Variants in C6orf132 observed in about 807,000 individuals in gnomAD.
The protein encoded by C6orf132 is uncharacterized protein C6orf132.
C6orf132 carries 43 observed loss-of-function variants against 65.3 expected under a neutral mutation model. The ratio of observed to expected loss-of-function variants is 0.66; its 90% CI spans 0.52 to 0.85. The LOEUF is 0.85. C6orf132 is among the 40% of genes least tolerant of loss of function. C6orf132 has a pLI of 0.00. For missense variants in C6orf132, 1,488 were observed against 1,548.8 expected (o/e 0.96, Z 0.66); for synonymous variants, 631 against 654.1 (o/e 0.96, Z 0.54).
In C6orf132 at chr6:42,106,271, GGTCAGGCTGGGGGCAGCCTCTGTCTCT is replaced by G. The variant is rs1490723054; in HGVS notation, c.1614_1640del (p.Glu539_Thr547del). The G allele has an allele frequency of 6.5e-7, 1 of 1,537,024 alleles. No individual in the cohort carries two copies. The highest frequency in any genetic ancestry group is 8.7e-7 in the Non-Finnish European group (1 of 1,146,908). ...GGGGAATGTAGTCCACAGAGGGCAG[GGTCAGGCTGGGGGCAGCCTCTGTCTCT>G]GTCAGGCTGCTGCCGCCAAGACTCT... On this transcript the variant is annotated inframe_deletion, in exon 4 of 5. Transcript: ENST00000341865.
At position 42,107,462 on chromosome 6, in the gene C6orf132, G is replaced by T. The variant is rs958047726; in HGVS notation, c.450C>A (p.Pro150=). The change falls in exon 4 of 5, where the codon CCC becomes CCA. Residue 150 remains proline, a synonymous_variant. Coordinates refer to ENST00000341865, the MANE Select transcript of C6orf132 (RefSeq NM_001164446.3). ...CTGGAGGTTCTGAAATGTCCTGAGG[G>T]GGCCCTGGGGCTGGGCCTGGGGGAG... is the stretch of plus-strand genomic sequence containing the variant. ...PPPPPGPAPG[P]PQDISEPPGG... is the part of the protein sequence containing the mutation. 1.9e-6 allele frequency: 3 copies of T among 1,544,346 alleles called. No individual in the cohort carries two copies. In the Admixed American group the frequency reaches 5.9e-5, roughly 30 times the overall value.
Position 42,105,576 on chromosome 6 carries a change from C to G in C6orf132, c.2336G>C (p.Ser779Thr). 1.3e-6 allele frequency: 2 copies of G among 1,536,758 alleles called. No individual in the cohort carries two copies. The highest frequency in any genetic ancestry group is 1.2e-5 in the South Asian group (1 of 84,068). ...YKPHCHQSSLSREVAVVMPTL... is the reference protein window; with the variant it reads ...YKPHCHQSSLTREVAVVMPTL... ...GGGCATCACCACAGCAACCTCACGG[C>G]TGAGGCTGCTCTGGTGGCAGTGGGG... The change falls in exon 4 of 5, where the codon AGC becomes ACC. Residue 779 changes from serine to threonine, a missense_variant. Transcript: ENST00000341865.
At position 42,103,059 on chromosome 6, in the gene C6orf132, G is replaced by C. The variant is rs1766320116; in HGVS notation, c.*702C>G. 5.0e-6 allele frequency: 2 copies of C among 398,596 alleles called. No homozygotes were observed. Among genetic ancestry groups the C allele is most frequent in the South Asian group, 1.3e-4 (1 of 7,856 alleles). 24.7% of individuals were successfully genotyped at this position (398,596 alleles called of 1,614,324 possible). A position where few individuals can be genotyped will look rare whatever the true frequency, so the allele number is the denominator to read the frequency against. ...TCTCTAGGCCTCCCTGTAGCTAAGG[G>C]CTAGGGCCAAGGAAAAATGAACCAT... On this transcript the variant is annotated 3_prime_UTR_variant, in exon 5 of 5. Coordinates refer to ENST00000341865, the MANE Select transcript of C6orf132 (RefSeq NM_001164446.3).
chr6:42,117,564 CG>C (rs765795411), intron 2 of C6orf132, among the ~76,000 whole-genome samples: 14 of 151,974 alleles, frequency 9.2e-5, no homozygotes, highest in Non-Finnish European at 1.5e-4. Context: ...TGACACAGAC[CG>C]GGCAGTTAAA....
At position 42,105,899 on chromosome 6, in the gene C6orf132, T is replaced by G; in HGVS notation, c.2013A>C (p.Thr671=). The change falls in exon 4 of 5, where the codon ACA becomes ACC. Residue 671 remains threonine, a synonymous_variant. Transcript: ENST00000341865. Reference sequence around the variant, plus strand: ...TTGGCCCAGATGTGGCCTTGAGTGGTGTGGCTGGCCCAAGTGTGGCCTTGG... The same window carrying G: ...TTGGCCCAGATGTGGCCTTGAGTGGGGTGGCTGGCCCAAGTGTGGCCTTGG... The part of the protein sequence containing the change: ...TPPKATLGPA[T]PLKATSGPTT... 1 of 1,537,020 alleles carries G rather than the reference T, an allele frequency of 6.5e-7. No individual in the cohort carries two copies. Among genetic ancestry groups the G allele is most frequent in the Non-Finnish European group, 8.7e-7 (1 of 1,146,832 alleles).
chr6:42,141,105 T>A (rs1767023452), intron 1 of C6orf132, among the ~76,000 whole-genome samples: 1 of 152,154 alleles, frequency 6.6e-6, no homozygotes, highest in African/African-American at 2.4e-5. Flanking sequence ...AAATGGCATA[T>A]GGTTAGTTCT....
chr6:42,120,584 T>TA (rs34694221), intron 2 of C6orf132, among the ~76,000 whole-genome samples: 9 of 149,668 alleles, frequency 6.0e-5, no homozygotes, highest in East Asian at 2.0e-4. Flanking sequence ...CCTTTATAAT[T>TA]AAAAAAAAAA....
chr6:42,111,851 C>T (rs1562035204), intron 2 of C6orf132, among the ~76,000 whole-genome samples: 4 of 152,038 alleles, frequency 2.6e-5, no homozygotes, highest in Admixed American at 2.6e-4. Context: ...TCCAAACACA[C>T]ATTTCCATAT....
intron 1 of C6orf132, among the ~76,000 whole-genome samples, chr6:42,136,888 C>A (rs894924518): frequency 6.6e-6 from 1 of 152,034 alleles, no homozygotes; most frequent in African/African-American, 2.4e-5. Context: ...ATGGCGCCGC[C>A]CCCCCAGCCC....
rs1766357180 is a variant in C6orf132, at chr6:42,104,632, G to A, written c.3280C>T (p.Pro1094Ser). The part of the protein sequence containing the change: ...RSLSSPNCFG[P>S]QPGGPEMRRV... ...CGCATCTCGGGGCCTCCGGGCTGCGGCCCGAAGCAGTTGGGAGAGCTCAGG... is the reference window on the plus strand; with the variant it reads ...CGCATCTCGGGGCCTCCGGGCTGCGACCCGAAGCAGTTGGGAGAGCTCAGG... The change falls in exon 4 of 5, where the codon CCG (proline) becomes TCG (serine). Residue 1094 changes from proline (P) to serine (S), a missense_variant. By Grantham distance (74) the Pro-to-Ser change is moderately conservative. Coordinates refer to ENST00000341865, the MANE Select transcript of C6orf132 (RefSeq NM_001164446.3). This position sits in a 1 kb window ranked among gnomAD's most constrained non-coding sequence, Gnocchi z 4.1. The A allele has an allele frequency of 1.6e-5, 23 of 1,416,746 alleles. No individual in the cohort carries two copies. The highest frequency in any genetic ancestry group is 2.1e-5 in the Non-Finnish European group (23 of 1,092,774). The allele number at this position is 1,416,746 out of a possible 1,614,324, so 87.8% of individuals were successfully genotyped here.
chr6:42,141,823 G>A (rs1363428929), intron 1 of C6orf132, among the ~76,000 whole-genome samples: 1 of 152,162 alleles, frequency 6.6e-6, no homozygotes, highest in African/African-American at 2.4e-5. Context: ...TCTCTGCCAC[G>A]TGGGCTTGGG....
At chr6:42,137,673 A>C (rs1562043283) in intron 1 of C6orf132, among the ~76,000 whole-genome samples, 1 of 152,132 alleles carries the variant, frequency 6.6e-6, no homozygotes, top group African/African-American at 2.4e-5. Flanking sequence ...GCCTTGCTCC[A>C]TGTGGGGAAG....
intron 2 of C6orf132, among the ~76,000 whole-genome samples, chr6:42,116,325 T>C (rs1766570493): frequency 6.6e-6 from 1 of 152,188 alleles, no homozygotes; most frequent in South Asian, 2.1e-4. Context: ...GATGAGGAAA[T>C]GGAGGCTCAG....
Position 42,104,659 on chromosome 6 carries a change from T to G in C6orf132, c.3253A>C (p.Ser1085Arg). The change falls in exon 4 of 5, where the codon AGC becomes CGC. Residue 1085 changes from serine to arginine, a missense_variant. Transcript: ENST00000341865. This position sits in a 1 kb window ranked among gnomAD's most constrained non-coding sequence, Gnocchi z 4.1. ...CCGAAGCAGTTGGGAGAGCTCAGGC[T>G]GCGGCCGGTGCCACCGTGGGGTAGC... is the stretch of plus-strand genomic sequence containing the variant. Reference protein sequence around the residue: ...PGLPHGGTGRSLSSPNCFGPQ... With the variant: ...PGLPHGGTGRRLSSPNCFGPQ... 1.3e-6 allele frequency: 2 copies of G among 1,494,050 alleles called. No homozygotes were observed. The highest frequency in any genetic ancestry group is 1.8e-6 in the Non-Finnish European group (2 of 1,130,538). 92.5% of individuals were successfully genotyped at this position (1,494,050 alleles called of 1,614,324 possible).
chr6:42,136,161 CA>C (rs5875794), intron 1 of C6orf132, among the ~76,000 whole-genome samples: 74,336 of 142,360 alleles, frequency 0.52, 19,335 homozygotes, highest in East Asian at 0.67. Flanking sequence ...GTAAGCCATC[CA>C]AAAAAAAAAA....
intron 2 of C6orf132, among the ~76,000 whole-genome samples, chr6:42,123,688 C>T (rs1009576893): frequency 2.6e-5 from 4 of 152,140 alleles, no homozygotes; most frequent in Non-Finnish European, 4.4e-5. Context: ...AGGATCACCC[C>T]TCACTCAGCC....
intron 1 of C6orf132, among the ~76,000 whole-genome samples, chr6:42,137,871 T>C (rs1766970397): frequency 1.3e-5 from 2 of 150,842 alleles, no homozygotes; most frequent in Admixed American, 6.6e-5. Flanking sequence ...GGTCAGGAGA[T>C]CGAGACCATC....
chr6:42,106,492 G>T lies in C6orf132; in HGVS notation c.1420C>A (p.Leu474Met). Residue 474 changes from leucine (L) to methionine (M), a missense_variant, in exon 4 of 5, where the codon CTG becomes ATG. Coordinates refer to ENST00000341865, the MANE Select transcript of C6orf132 (RefSeq NM_001164446.3). ...CTGGAGCCACAGAGATAGGCTGCCA[G>T]CTCGTTCCGCAGCTTTTCCATCTGG... The part of the protein sequence containing the change: ...PSQMEKLRNE[L>M]AAYLCGSRRE... 1 of 1,536,506 alleles carries T rather than the reference G, an allele frequency of 6.5e-7. No individual in the cohort carries two copies. The highest frequency in any genetic ancestry group is 8.7e-7 in the Non-Finnish European group (1 of 1,146,886).
chr6:42,106,337 TG>T lies in C6orf132; in HGVS notation c.1574del (p.Pro525GlnfsTer13). 6.5e-7 allele frequency: 1 copy of T among 1,536,514 alleles called. No individual in the cohort carries two copies. Among genetic ancestry groups the T allele is most frequent in the South Asian group, 1.2e-5 (1 of 84,050 alleles). On this transcript the variant is annotated frameshift_variant, in exon 4 of 5. Coordinates refer to ENST00000341865, the MANE Select transcript of C6orf132 (RefSeq NM_001164446.3). LOFTEE classifies it high-confidence loss of function. ...CGCCAAGACTCTTTTCAGGAACACC[TG>T]GGGGAGTGTCCTTTGCTGGCAGGCT... ...LLSLPAKDTP[P>X]GVPEKSLGGS...
Sources: allele counts gnomAD v4.1 joint callset (sites outside exome capture counted in the v4.1 genomes callset), GRCh38; gene constraint gnomAD v4.1.1; non-coding constraint Gnocchi (gnomAD v3.1); transcripts MANE v1.5; gene names NCBI Gene and HGNC (gene_info 2026-07-23, HGNC 2026-07-21).